MGA: variants seen among roughly 807,000 people sequenced by gnomAD.
MGA encodes the protein MAX gene-associated protein.
In MGA, 40 loss-of-function variants were observed where a neutral mutation model predicts 261.1. The observed-to-expected ratio is 0.15, with a 90% CI of 0.12 to 0.20. The LOEUF is 0.20. Ranked by LOEUF, MGA falls within the 10% of genes least tolerant of loss-of-function variation. The probability of loss-of-function intolerance (pLI) is 1.00; values close to 1 mark genes in which losing one functional copy is unlikely to be tolerated. For synonymous variants in MGA, 1,302 were observed against 1,290.6 expected (o/e 1.01, Z -0.19); for missense variants, 3,397 against 3,630.5 (o/e 0.94, Z 1.65).
intron 1 of MGA, among the ~76,000 whole-genome samples, chr15:41,628,852 G>A (rs930689441): frequency 3.3e-5 from 5 of 152,086 alleles, no homozygotes; most frequent in African/African-American, 4.8e-5. Flanking sequence ...CAATTAAGCC[G>A]TTGGAGGCCG....
intron 1 of MGA, among the ~76,000 whole-genome samples, chr15:41,639,304 C>T (rs534260998): frequency 6.6e-6 from 1 of 152,186 alleles, no homozygotes; most frequent in East Asian, 1.9e-4. Context: ...TTGATTCCAG[C>T]TCCGTGAGTC....
intron 2 of MGA, among the ~76,000 whole-genome samples, chr15:41,674,796 G>A (rs1453484277): frequency 6.6e-6 from 1 of 152,206 alleles, no homozygotes; most frequent in Non-Finnish European, 1.5e-5. Flanking sequence ...GGGATTACAG[G>A]CGTGAGCCAC....
intron 17 of MGA, among the ~76,000 whole-genome samples, chr15:41,752,574 T>TTA (rs1212252399): frequency 6.0e-5 from 8 of 133,580 alleles, no homozygotes; most frequent in South Asian, 2.5e-4. Context: ...TTTTTTTTTT[T>TTA]AACAGAGTCT....
intron 2 of MGA, among the ~76,000 whole-genome samples, chr15:41,686,865 G>A (rs1054227163): frequency 6.6e-6 from 1 of 151,958 alleles, no homozygotes; most frequent in Non-Finnish European, 1.5e-5. Context: ...AATATTACTG[G>A]TTTCAATTTG....
chr15:41,684,611 A>G (rs544960379), intron 2 of MGA: 1 of 246,586 alleles, frequency 4.1e-6, no homozygotes, highest in South Asian at 4.6e-5. Flanking sequence ...GCCCAGATCT[A>G]GCCTCAGAGG....
chr15:41,769,549 A>T lies in MGA; in HGVS notation c.*2269A>T, dbSNP rs934329159. Reference sequence around the variant, plus strand: ...TCTTCAGAACAATCCTGCAGTCTTGACAGAAATCTAAAATCTCCAAAAACT... The same window carrying T: ...TCTTCAGAACAATCCTGCAGTCTTGTCAGAAATCTAAAATCTCCAAAAACT... On this transcript the variant is annotated 3_prime_UTR_variant, in exon 24 of 24. Coordinates refer to ENST00000219905, the MANE Select transcript of MGA (RefSeq NM_001164273.2). 2.7e-4 allele frequency: 41 copies of T among 152,312 alleles called. No individual in the cohort carries two copies. The highest frequency in any genetic ancestry group is 9.9e-4 in the African/African-American group (41 of 41,410). 9.4% of individuals were successfully genotyped at this position (152,312 alleles called of 1,614,324 possible).
At chr15:41,731,973 T>G (rs183723185) in intron 11 of MGA, among the ~76,000 whole-genome samples, 13 of 152,310 alleles carry the variant, frequency 8.5e-5, no homozygotes, top group Admixed American at 7.2e-4. Context: ...ATGTACTACC[T>G]TATTTAACCA....
chr15:41,762,010 A>G (rs1306000729), intron 21 of MGA, 119 bp from the exon 22 acceptor site: 18 of 1,039,478 alleles, frequency 1.7e-5, no homozygotes, highest in African/African-American at 1.6e-5. Flanking sequence ...TGTGAATTGT[A>G]ATCACCTTAC....
At position 41,767,608 on chromosome 15, in the gene MGA, T is replaced by C; in HGVS notation, c.*328T>C. 3.4e-6 allele frequency: 1 copy of C among 293,416 alleles called. No individual in the cohort carries two copies. The highest frequency in any genetic ancestry group is 6.4e-6 in the Non-Finnish European group (1 of 156,404). 18.2% of individuals were successfully genotyped at this position (293,416 alleles called of 1,614,324 possible). A position where few individuals can be genotyped will look rare whatever the true frequency, so the allele number is the denominator to read the frequency against. ...CTGGCTCCACAGTGGTTTCTAGTTC[T>C]TCCCCCACAAGCGAAAGAGCTGTTT... is the stretch of plus-strand genomic sequence containing the variant. On this transcript the variant is annotated 3_prime_UTR_variant, in exon 24 of 24. Transcript: ENST00000219905.
intron 11 of MGA, among the ~76,000 whole-genome samples, chr15:41,733,318 G>A (rs988561870): frequency 2.0e-5 from 3 of 152,170 alleles, no homozygotes; most frequent in African/African-American, 4.8e-5. Flanking sequence ...AGGAAAGAGG[G>A]CAGTCTCTCC....
chr15:41,653,300 C>T (rs34769385), intron 1 of MGA, among the ~76,000 whole-genome samples: 22,014 of 151,214 alleles, frequency 0.15, 2,522 homozygotes, highest in East Asian at 0.68. Context: ...ACCCGGGAGG[C>T]CAAGGTTGCA....
At chr15:41,690,880 A>G (rs2059243369) in intron 2 of MGA, among the ~76,000 whole-genome samples, 1 of 149,416 alleles carries the variant, frequency 6.7e-6, no homozygotes, top group Non-Finnish European at 1.5e-5. Context: ...CCTTGTCTCA[A>G]AACCAAACCA....
At chr15:41,649,374 T>A (rs1374274627) in intron 1 of MGA, among the ~76,000 whole-genome samples, 7 of 59,476 alleles carry the variant, frequency 1.2e-4, no homozygotes, top group African/African-American at 3.8e-4. Context: ...AGAGTGAGAC[T>A]GTCTCAAAAA....
intron 2 of MGA, among the ~76,000 whole-genome samples, chr15:41,686,488 G>A (rs1040316790): frequency 6.6e-6 from 1 of 152,084 alleles, no homozygotes; most frequent in Non-Finnish European, 1.5e-5. Context: ...GTGAGCCATG[G>A]TTGTACCACT....
intron 15 of MGA, among the ~76,000 whole-genome samples, chr15:41,745,257 C>T (rs1425233861): frequency 8.5e-6 from 1 of 117,456 alleles, no homozygotes; most frequent in Non-Finnish European, 1.6e-5. Context: ...TCCCCCTATG[C>T]GAGAAACACC....
intron 2 of MGA, among the ~76,000 whole-genome samples, chr15:41,686,480 G>T (rs1463237274): frequency 1.3e-5 from 2 of 152,126 alleles, no homozygotes; most frequent in Non-Finnish European, 2.9e-5. Context: ...AGGTTGCAGT[G>T]AGCCATGGTT....
intron 2 of MGA, among the ~76,000 whole-genome samples, chr15:41,690,689 TA>T (rs1347731504): frequency 6.6e-6 from 1 of 152,120 alleles, no homozygotes; most frequent in Non-Finnish European, 1.5e-5. Context: ...ACCCTGTCTC[TA>T]CTAAAGAGAA....
chr15:41,635,857 G>A (rs996112298), intron 1 of MGA, among the ~76,000 whole-genome samples: 10 of 152,240 alleles, frequency 6.6e-5, no homozygotes, highest in Middle Eastern at 3.4e-3. Context: ...CTGTTTTAAC[G>A]TTGTGGCACA....
intron 18 of MGA, 69 bp downstream of exon 18, chr15:41,754,636 G>A (rs2063040885): frequency 7.0e-7 from 1 of 1,438,646 alleles, no homozygotes; most frequent in Non-Finnish European, 9.2e-7. Context: ...GAGATGTTCT[G>A]TTCAGGAGCT....
Sources: allele counts gnomAD v4.1 joint callset (sites outside exome capture counted in the v4.1 genomes callset), GRCh38; gene constraint gnomAD v4.1.1; transcripts MANE v1.5; gene names NCBI Gene and HGNC (gene_info 2026-07-23, HGNC 2026-07-21).